Variants in ROBO2 observed in about 807,000 individuals in gnomAD.
ROBO2 encodes roundabout homolog 2.
A neutral mutation model predicts 160.8 loss-of-function variants in ROBO2; 53 were observed. The ratio of observed to expected loss-of-function variants is 0.33; its 90% confidence interval spans 0.26 to 0.41. The LOEUF (loss-of-function observed/expected upper bound fraction) is 0.41, where lower values mean the gene tolerates loss of function less well. ROBO2 is among the 10% of genes least tolerant of loss of function. The pLI is 1.00. For missense variants in ROBO2, 1,577 were observed against 1,722.4 expected (o/e 0.92, Z 1.49); for synonymous variants, 664 against 611.7 (o/e 1.09, Z -1.26).
intron 2 of ROBO2, among the ~76,000 whole-genome samples, chr3:76,263,430 C>T (rs555001293): frequency 6.6e-6 from 1 of 152,136 alleles, no homozygotes; most frequent in Admixed American, 6.5e-5. Flanking sequence ...GCTGTGTCGC[C>T]TAGGCTGATC....
At chr3:76,756,243 A>C (rs571816559) in intron 2 of ROBO2, among the ~76,000 whole-genome samples, 2 of 152,034 alleles carry the variant, frequency 1.3e-5, no homozygotes, top group African/African-American at 4.8e-5. Flanking sequence ...CCAATTACCA[A>C]TATGAGAAAT....
intron 2 of ROBO2, among the ~76,000 whole-genome samples, chr3:76,748,508 G>T (rs1459386482): frequency 6.6e-6 from 1 of 151,370 alleles, no homozygotes; most frequent in Non-Finnish European, 1.5e-5. Context: ...TGTATAAAAA[G>T]TTTTAAGGAT....
chr3:76,681,675 CAA>C lies in ROBO2; in HGVS notation c.110-416338_110-416337del, dbSNP rs2092565193. Among the ~76,000 whole-genome samples the C allele has an allele frequency of 3.3e-5, 5 of 152,022 alleles. No homozygotes were observed. In the South Asian group the frequency reaches 1.0e-3, roughly 32 times the overall value. ...ACTTGTGCAAAGACCCTGGAGCAGACAAGAGAGTATGGAGATTTGAATATAAG... is the reference window on the plus strand; with the variant it reads ...ACTTGTGCAAAGACCCTGGAGCAGACGAGAGTATGGAGATTTGAATATAAG... On this transcript the variant is annotated intron_variant, in intron 2 of 26. Coordinates refer to the ROBO2 transcript ENST00000487694.
intron 2 of ROBO2, among the ~76,000 whole-genome samples, chr3:76,322,379 T>C (rs2072636612): frequency 6.6e-6 from 1 of 151,880 alleles, no homozygotes; most frequent in South Asian, 2.1e-4. Flanking sequence ...TTATCATTTT[T>C]ACAGACATTT....
At chr3:77,417,431 C>A (rs1229179851) in intron 2 of ROBO2, among the ~76,000 whole-genome samples, 1 of 151,410 alleles carries the variant, frequency 6.6e-6, no homozygotes, top group African/African-American at 2.4e-5. Flanking sequence ...TGAAGATACC[C>A]TTTTCTTTCA....
At chr3:76,670,314 G>C (rs1431698190) in intron 2 of ROBO2, among the ~76,000 whole-genome samples, 2 of 126,448 alleles carry the variant, frequency 1.6e-5, no homozygotes, top group South Asian at 5.5e-4. Context: ...CATAAATCCT[G>C]TAGTAGGTTT....
intron 2 of ROBO2, among the ~76,000 whole-genome samples, chr3:76,259,067 A>G (rs1203659193): frequency 6.6e-6 from 1 of 152,124 alleles, no homozygotes. Flanking sequence ...TAAAAGTTAA[A>G]TAGTTCTTAT....
chr3:77,618,471 C>G (rs753327932), intron 22 of ROBO2, among the ~76,000 whole-genome samples: 1 of 152,098 alleles, frequency 6.6e-6, no homozygotes, highest in East Asian at 1.9e-4. Flanking sequence ...CAGTTTTATA[C>G]AGGATTTTTG....
chr3:75,947,659 A>T (rs1948362653), intron 2 of ROBO2, among the ~76,000 whole-genome samples: 1 of 152,154 alleles, frequency 6.6e-6, no homozygotes, highest in Non-Finnish European at 1.5e-5. Context: ...TGTGTAGGGT[A>T]GAGAATTTAA....
chr3:77,568,406 C>T (rs760785025), exon 13 of ROBO2: 6 of 1,612,936 alleles, frequency 3.7e-6, no homozygotes, highest in Non-Finnish European at 5.1e-6. Context: ...GTTGTGCTGA[C>T]TCCCACCACG....
intron 2 of ROBO2, among the ~76,000 whole-genome samples, chr3:77,465,735 A>G (rs1176473212): frequency 6.6e-6 from 1 of 152,200 alleles, no homozygotes; most frequent in Non-Finnish European, 1.5e-5. Context: ...ATGAGAACTC[A>G]GTATTACTTA....
intron 13 of ROBO2, 30 bp downstream of exon 14, chr3:77,568,464 A>T (rs2093552231): frequency 6.2e-7 from 1 of 1,611,876 alleles, no homozygotes; most frequent in African/African-American, 1.3e-5. Context: ...GTTAATAGTA[A>T]TCTCTTCTCT....
intron 2 of ROBO2, among the ~76,000 whole-genome samples, chr3:76,100,222 T>C (rs1464248423): frequency 6.6e-6 from 1 of 152,232 alleles, no homozygotes; most frequent in Non-Finnish European, 1.5e-5. Context: ...TTGATTTATT[T>C]AGGGATGCCG....
intron 2 of ROBO2, among the ~76,000 whole-genome samples, chr3:75,998,034 A>G (rs2065781810): frequency 6.6e-6 from 1 of 152,222 alleles, no homozygotes; most frequent in South Asian, 2.1e-4. Context: ...ACTCTGACTG[A>G]AGATGGGAGA....
chr3:77,258,633 A>G (rs1427929676), intron 2 of ROBO2, among the ~76,000 whole-genome samples: 7 of 109,386 alleles, frequency 6.4e-5, no homozygotes, highest in Non-Finnish European at 1.6e-4. Flanking sequence ...AAAAAAAAAA[A>G]AAAGGAAGAA....
chr3:77,001,009 T>A (rs561444354), intron 2 of ROBO2, among the ~76,000 whole-genome samples: 1 of 152,278 alleles, frequency 6.6e-6, no homozygotes, highest in East Asian at 1.9e-4. Flanking sequence ...GTGACGTTTT[T>A]CAAGTTTACC....
At chr3:77,471,362 A>T (rs2083331761) in intron 2 of ROBO2, among the ~76,000 whole-genome samples, 1 of 152,222 alleles carries the variant, frequency 6.6e-6, no homozygotes, top group Non-Finnish European at 1.5e-5. Flanking sequence ...TCACAGCTGG[A>T]CATAAAACTT....
chr3:76,008,751 A>G (rs1302497685), intron 2 of ROBO2, among the ~76,000 whole-genome samples: 1 of 150,824 alleles, frequency 6.6e-6, no homozygotes, highest in East Asian at 2.0e-4. Flanking sequence ...TTTTTTTCTC[A>G]TCCATCACTA....
chr3:77,351,186 C>G (rs1245440937), intron 2 of ROBO2, among the ~76,000 whole-genome samples: 1 of 151,976 alleles, frequency 6.6e-6, no homozygotes, highest in Non-Finnish European at 1.5e-5. Flanking sequence ...ATTGTGACAA[C>G]CTCAAAATTC....
Sources: gnomAD v4.1 joint callset for allele counts (sites outside exome capture counted in the v4.1 genomes callset) on GRCh38, gnomAD v4.1.1 for gene constraint, MANE v1.5 for transcripts, NCBI Gene and HGNC (gene_info 2026-07-23, HGNC 2026-07-21) for gene names.